The following KCNH7 variants were observed in gnomAD, a reference collection of about 807,000 sequenced individuals.
KCNH7 encodes the protein potassium voltage-gated channel subfamily H member 7.
KCNH7 carries 49 observed loss-of-function variants against 120.8 expected under a neutral mutation model. The observed-to-expected ratio is 0.41, with a 90% CI of 0.32 to 0.51. KCNH7 has a LOEUF of 0.51. KCNH7 is among the 20% of genes least tolerant of loss of function. KCNH7 has a pLI of 0.38. For synonymous variants in KCNH7, 547 were observed against 516.1 expected, an observed-to-expected ratio of 1.06 and a Z score of -0.81; for missense variants, 1,097 against 1,446.6, an observed-to-expected ratio of 0.76 and a Z score of 3.92.
intron 2 of KCNH7, among the ~76,000 whole-genome samples, chr2:162,551,111 C>G (rs921169663): frequency 6.6e-6 from 1 of 151,988 alleles, no homozygotes; most frequent in Non-Finnish European, 1.5e-5. Context: ...TTGCCAAGAT[C>G]AAATTCAACA....
At chr2:162,814,113 G>T (rs1432881144) in intron 2 of KCNH7, among the ~76,000 whole-genome samples, 3 of 152,088 alleles carry the variant, frequency 2.0e-5, no homozygotes, top group Non-Finnish European at 4.4e-5. Flanking sequence ...CAAAATAAAG[G>T]CTGTTGAAAG....
chr2:162,600,930 T>C (rs1218143187), intron 2 of KCNH7, among the ~76,000 whole-genome samples: 4 of 152,084 alleles, frequency 2.6e-5, no homozygotes, highest in Non-Finnish European at 5.9e-5. Context: ...GGACATTCCA[T>C]GGAGTAGTGA....
intron 2 of KCNH7, among the ~76,000 whole-genome samples, chr2:162,731,007 G>C (rs1213641849): frequency 6.6e-6 from 1 of 151,590 alleles, no homozygotes; most frequent in African/African-American, 2.4e-5. Flanking sequence ...AAGTATAAGA[G>C]AAAAAATCTT....
At chr2:162,645,008 T>C (rs542460771) in intron 2 of KCNH7, among the ~76,000 whole-genome samples, 1 of 152,282 alleles carries the variant, frequency 6.6e-6, no homozygotes, top group South Asian at 2.1e-4. Context: ...TGCCTACTTA[T>C]ATTTAACTAG....
chr2:162,587,634 T>A lies in KCNH7; in HGVS notation c.308-50554A>T, dbSNP rs371612128. 2.0e-5 allele frequency among the ~76,000 whole-genome samples: 3 copies of A among 152,026 alleles called. No individual in the cohort carries two copies. The South Asian group carries it at 6.2e-4, about 32-fold the overall frequency. On this transcript the variant is annotated intron_variant, in intron 2 of 15. Transcript: ENST00000332142. Reference sequence around the variant, plus strand: ...CCCAACCCTCTCTGTGTTTTATGAGTCTATTTTGGTTTATATAGTTTCCTT... The same window carrying A: ...CCCAACCCTCTCTGTGTTTTATGAGACTATTTTGGTTTATATAGTTTCCTT...
intron 2 of KCNH7, among the ~76,000 whole-genome samples, chr2:162,626,682 A>T (rs1025633447): frequency 2.0e-5 from 3 of 152,198 alleles, no homozygotes; most frequent in African/African-American, 7.2e-5. Context: ...ATCACTGCAT[A>T]GAGAAGATCA....
intron 7 of KCNH7, among the ~76,000 whole-genome samples, chr2:162,438,322 A>C (rs1688316568): frequency 6.6e-6 from 1 of 152,158 alleles, no homozygotes; most frequent in African/African-American, 2.4e-5. Flanking sequence ...TTCCAAAGAA[A>C]TCTCTGATGT....
chr2:162,663,946 C>T (rs995082227), intron 2 of KCNH7, among the ~76,000 whole-genome samples: 1 of 152,056 alleles, frequency 6.6e-6, no homozygotes, highest in African/African-American at 2.4e-5. Context: ...ATTTTCTGTC[C>T]GGATTCACTG....
chr2:162,691,084 A>G (rs962340132), intron 2 of KCNH7, among the ~76,000 whole-genome samples: 1 of 152,164 alleles, frequency 6.6e-6, no homozygotes, highest in Admixed American at 6.5e-5. Context: ...AATAACAACA[A>G]TCAGATAGCT....
chr2:162,538,522 G>A (rs957021659), intron 2 of KCNH7, among the ~76,000 whole-genome samples: 1 of 152,058 alleles, frequency 6.6e-6, no homozygotes, highest in African/African-American at 2.4e-5. Flanking sequence ...GGAGACAGGG[G>A]CCGGGCAAAC....
chr2:162,769,975 T>G (rs305687), intron 2 of KCNH7, among the ~76,000 whole-genome samples: 1 of 151,806 alleles, frequency 6.6e-6, no homozygotes, highest in Non-Finnish European at 1.5e-5. Context: ...AAAAGCAAAG[T>G]GATGCTCTTG....
chr2:162,667,929 A>G (rs913741330), intron 2 of KCNH7, among the ~76,000 whole-genome samples: 1 of 152,220 alleles, frequency 6.6e-6, no homozygotes. Context: ...TATATATTCA[A>G]TAAATATTTA....
intron 2 of KCNH7, among the ~76,000 whole-genome samples, chr2:162,809,900 T>G (rs902380551): frequency 2.6e-5 from 4 of 151,486 alleles, no homozygotes. Context: ...TCATATGTTC[T>G]CACCTATTCT....
chr2:162,539,460 G>C (rs554107507), intron 2 of KCNH7, among the ~76,000 whole-genome samples: 10 of 152,150 alleles, frequency 6.6e-5, no homozygotes, highest in African/African-American at 1.9e-4. Flanking sequence ...TGTGGGGATA[G>C]AGATCTAATA....
intron 2 of KCNH7, among the ~76,000 whole-genome samples, chr2:162,634,489 A>T (rs1375537904): frequency 1.3e-5 from 2 of 152,104 alleles, no homozygotes; most frequent in Non-Finnish European, 2.9e-5. Context: ...AGCAACAACT[A>T]CAGTAGTATC....
chr2:162,442,333 G>T (rs1329169237), intron 7 of KCNH7, among the ~76,000 whole-genome samples: 1 of 151,676 alleles, frequency 6.6e-6, no homozygotes, highest in Non-Finnish European at 1.5e-5. Context: ...GCCGTGACAT[G>T]TCTTCTTTAG....
chr2:162,824,146 A>T (rs1317500106), intron 2 of KCNH7, among the ~76,000 whole-genome samples: 1 of 152,200 alleles, frequency 6.6e-6, no homozygotes. Context: ...TTTGAGATGA[A>T]GTATTCTTCA....
chr2:162,714,181 T>C (rs80130219), intron 2 of KCNH7, among the ~76,000 whole-genome samples: 3,445 of 152,310 alleles, frequency 0.023, 74 homozygotes, highest in East Asian at 0.12. Flanking sequence ...TCAGAGCCAA[T>C]AGACTCCAGC....
At chr2:162,412,798 T>C (rs1687429214) in intron 9 of KCNH7, among the ~76,000 whole-genome samples, 1 of 152,152 alleles carries the variant, frequency 6.6e-6, no homozygotes, top group Non-Finnish European at 1.5e-5. Context: ...TAATCACATA[T>C]ATCATTTACA....
Sources: gnomAD v4.1 joint callset for allele counts (sites outside exome capture counted in the v4.1 genomes callset) on GRCh38, gnomAD v4.1.1 for gene constraint, MANE v1.5 for transcripts, NCBI Gene and HGNC (gene_info 2026-07-23, HGNC 2026-07-21) for gene names.